Variants in CHCHD3 observed in about 807,000 individuals in gnomAD.
CHCHD3 encodes MICOS complex subunit MIC19.
CHCHD3 carries 20 observed loss-of-function variants against 38.2 expected under a neutral mutation model. The observed-to-expected ratio is 0.52, with a 90% CI of 0.37 to 0.76. The LOEUF (loss-of-function observed/expected upper bound fraction) is 0.76, where lower values mean the gene tolerates loss of function less well. CHCHD3 is among the 30% of genes least tolerant of loss of function. CHCHD3 has a pLI of 0.00. For missense variants in CHCHD3, 245 were observed against 279.2 expected (o/e 0.88, Z 0.87); for synonymous variants, 82 against 100.0 (o/e 0.82, Z 1.07).
At chr7:132,992,409 C>CTACA (rs1231904413) in intron 3 of CHCHD3, among the ~76,000 whole-genome samples, 2 of 152,152 alleles carry the variant, frequency 1.3e-5, no homozygotes, top group Non-Finnish European at 2.9e-5. Context: ...GACGTCTGAG[C>CTACA]TACATCCCAC....
chr7:132,824,423 A>G (rs1233734253), intron 6 of CHCHD3, among the ~76,000 whole-genome samples: 2 of 141,970 alleles, frequency 1.4e-5, no homozygotes, highest in Non-Finnish European at 3.0e-5. Flanking sequence ...GGTTCACGCC[A>G]TTCTCCTGCC....
At chr7:133,034,560 T>G (rs758071452) in intron 2 of CHCHD3, 2 of 624,604 alleles carry the variant, frequency 3.2e-6, no homozygotes, top group Non-Finnish European at 5.5e-6. Context: ...ATGACCCCCA[T>G]CTCCCTGAAG....
chr7:132,833,875 C>A (rs1807709458), intron 6 of CHCHD3, among the ~76,000 whole-genome samples: 7 of 152,130 alleles, frequency 4.6e-5, no homozygotes, highest in Admixed American at 4.6e-4. Context: ...GACCCCTGAT[C>A]AGGTATATAA....
chr7:132,917,957 C>G (rs1294423559), intron 4 of CHCHD3, among the ~76,000 whole-genome samples: 1 of 151,208 alleles, frequency 6.6e-6, no homozygotes, highest in Middle Eastern at 3.2e-3. Context: ...TATATCCATT[C>G]CAAGCAGGTA....
chr7:132,936,737 T>C (rs189200010), intron 4 of CHCHD3, among the ~76,000 whole-genome samples: 1 of 152,340 alleles, frequency 6.6e-6, no homozygotes, highest in East Asian at 1.9e-4. Flanking sequence ...ATTACTATAT[T>C]TGCTTCTCCA....
intron 6 of CHCHD3, among the ~76,000 whole-genome samples, chr7:132,800,426 C>G (rs1462783620): frequency 6.6e-6 from 1 of 152,190 alleles, no homozygotes; most frequent in Non-Finnish European, 1.5e-5. Context: ...GGTTCCACTG[C>G]TGCCTCTATT....
chr7:132,891,039 A>G (rs1189973427), intron 4 of CHCHD3, among the ~76,000 whole-genome samples: 1 of 152,254 alleles, frequency 6.6e-6, no homozygotes, highest in Non-Finnish European at 1.5e-5. Flanking sequence ...ATATCAAAGG[A>G]GGCCGAACCA....
chr7:132,888,552 A>G (rs911092219), intron 4 of CHCHD3, among the ~76,000 whole-genome samples: 5 of 151,926 alleles, frequency 3.3e-5, no homozygotes, highest in African/African-American at 1.2e-4. Context: ...TATGTGGCCA[A>G]TTTCACTTCC....
At chr7:133,021,498 T>A (rs955036229) in intron 3 of CHCHD3, among the ~76,000 whole-genome samples, 1 of 152,178 alleles carries the variant, frequency 6.6e-6, no homozygotes, top group Non-Finnish European at 1.5e-5. Context: ...GAGCTATATA[T>A]CCTTTATGCT....
chr7:132,863,799 T>C (rs1452937289), intron 5 of CHCHD3, among the ~76,000 whole-genome samples: 1 of 152,240 alleles, frequency 6.6e-6, no homozygotes, highest in Non-Finnish European at 1.5e-5. Context: ...GTTATGGAGA[T>C]GGCTGCTTTC....
intron 2 of CHCHD3, among the ~76,000 whole-genome samples, chr7:133,025,161 T>A (rs1813301888): frequency 6.6e-6 from 1 of 152,228 alleles, no homozygotes; most frequent in African/African-American, 2.4e-5. Flanking sequence ...TTTTTTGGAA[T>A]ACATGTCATT....
chr7:132,882,205 C>T (rs1809076969), intron 5 of CHCHD3, among the ~76,000 whole-genome samples: 1 of 152,008 alleles, frequency 6.6e-6, no homozygotes, highest in South Asian at 2.1e-4. Context: ...AGAGTATATC[C>T]CCATTTTGCA....
chr7:133,054,469 T>G (rs533014966), intron 2 of CHCHD3, among the ~76,000 whole-genome samples: 1 of 152,132 alleles, frequency 6.6e-6, no homozygotes, highest in Non-Finnish European at 1.5e-5. Context: ...ATAATGCAAG[T>G]CCCTATGTAT....
chr7:132,909,394 G>A (rs1809884900), intron 4 of CHCHD3, among the ~76,000 whole-genome samples: 1 of 152,144 alleles, frequency 6.6e-6, no homozygotes, highest in African/African-American at 2.4e-5. Context: ...GGGAGGCTGA[G>A]GCAGGAGAAT....
chr7:132,990,810 C>A (rs965663572), intron 3 of CHCHD3, among the ~76,000 whole-genome samples: 3 of 152,066 alleles, frequency 2.0e-5, no homozygotes, highest in African/African-American at 7.2e-5. Flanking sequence ...ATCAATAATT[C>A]TCCTCTTCTT....
intron 3 of CHCHD3, among the ~76,000 whole-genome samples, chr7:133,020,970 G>A (rs948684208): frequency 3.3e-5 from 5 of 151,842 alleles, no homozygotes; most frequent in Non-Finnish European, 5.9e-5. Context: ...GAGGGGGGCC[G>A]GCGGGCAGCA....
At chr7:132,984,164 C>T (rs1812006502) in intron 3 of CHCHD3, among the ~76,000 whole-genome samples, 1 of 151,720 alleles carries the variant, frequency 6.6e-6, no homozygotes, top group South Asian at 2.1e-4. Flanking sequence ...ACCTCCCTGC[C>T]TGATTCTCCT....
At chr7:132,922,722 T>C (rs1169402961) in intron 4 of CHCHD3, among the ~76,000 whole-genome samples, 1 of 152,208 alleles carries the variant, frequency 6.6e-6, no homozygotes, top group Non-Finnish European at 1.5e-5. Context: ...AATTTTTATA[T>C]AGTTTTATTC....
chr7:132,936,374 A>T (rs553222536), intron 4 of CHCHD3, among the ~76,000 whole-genome samples: 1 of 152,304 alleles, frequency 6.6e-6, no homozygotes, highest in Admixed American at 6.5e-5. Flanking sequence ...AGTCCATTTG[A>T]AATCAAAAGC....
Sources: allele counts gnomAD v4.1 joint callset (sites outside exome capture counted in the v4.1 genomes callset), GRCh38; gene constraint gnomAD v4.1.1; transcripts MANE v1.5; gene names NCBI Gene and HGNC (gene_info 2026-07-23, HGNC 2026-07-21).